Variants in IGFBP3 observed in about 807,000 individuals in gnomAD.
The protein encoded by IGFBP3 is insulin like growth factor binding protein 3.
IGFBP3 carries 9 observed loss-of-function variants against 28.6 expected under a neutral mutation model. The observed-to-expected ratio is 0.31, with a 90% confidence interval of 0.19 to 0.55. The LOEUF (loss-of-function observed/expected upper bound fraction) is 0.55, where lower values mean the gene tolerates loss of function less well. Ranked by LOEUF, IGFBP3 falls within the 20% of genes least tolerant of loss-of-function variation. The pLI is 0.93. For missense variants in IGFBP3, 382 were observed against 428.9 expected, an observed-to-expected ratio of 0.89 and a Z score of 0.97; for synonymous variants, 185 against 188.2, an observed-to-expected ratio of 0.98 and a Z score of 0.14.
rs34463602 is a variant in IGFBP3, at chr7:45,916,375, C to G, written c.750+173G>C. 5.6e-3 allele frequency among the ~76,000 whole-genome samples: 851 copies of G among 152,294 alleles called. 8 individuals are homozygous for G. The highest frequency in any genetic ancestry group is 0.019 in the African/African-American group (796 of 41,556). On this transcript the variant is annotated intron_variant, in intron 3 of 4. Coordinates refer to ENST00000613132, the MANE Select transcript of IGFBP3 (RefSeq NM_000598.5). ...GCCAATATAGCAGCACTCAGAGCAACAAGTCAAAGCAGCCCTTGGTCTGAC... is the reference window on the plus strand; with the variant it reads ...GCCAATATAGCAGCACTCAGAGCAAGAAGTCAAAGCAGCCCTTGGTCTGAC...
chr7:45,914,220 C>T (rs1426724042), intron 4 of IGFBP3: 1 of 152,094 alleles, frequency 6.6e-6, no homozygotes, highest in Non-Finnish European at 1.5e-5. Flanking sequence ...ATAGCATTCT[C>T]TAAAATTATC....
chr7:45,917,528 T>G, intron 1 of IGFBP3, 89 bp from the exon 2 acceptor site: 1 of 1,071,742 alleles, frequency 9.3e-7, no homozygotes, highest in Non-Finnish European at 1.3e-6. Flanking sequence ...CCAGGTCACA[T>G]GTAAATGACA....
In IGFBP3 at chr7:45,916,642, T is replaced by A; in HGVS notation, c.656A>T (p.Asp219Val). ...EYGPCRREME[D>V]TLNHLKFLNV... Reference sequence around the variant, plus strand: ...GAGGAACTTCAGGTGATTCAGTGTGTCTTCCATTTCTCTACGGCAGGGACC... The same window carrying A: ...GAGGAACTTCAGGTGATTCAGTGTGACTTCCATTTCTCTACGGCAGGGACC... Residue 219 changes from aspartate (D) to valine (V), a missense_variant, in exon 3 of 5, where the codon GAC becomes GTC. Asp to Val is a radical substitution (Grantham distance 152). Coordinates refer to ENST00000613132, the MANE Select transcript of IGFBP3 (RefSeq NM_000598.5). 6.2e-7 allele frequency: 1 copy of A among 1,613,082 alleles called. No individual in the cohort carries two copies.
At chr7:45,918,327 T>C (rs1784641207) in intron 1 of IGFBP3, among the ~76,000 whole-genome samples, 1 of 152,306 alleles carries the variant, frequency 6.6e-6, no homozygotes, top group Non-Finnish European at 1.5e-5. Context: ...AGATCTCCCT[T>C]TTATAATAAA....
chr7:45,921,045 C>T lies in IGFBP3; in HGVS notation c.96G>A (p.Ala32=), dbSNP rs1562582747. The change falls in exon 1 of 5, where the codon GCG becomes GCA. Residue 32 remains alanine (A), a synonymous_variant. Coordinates refer to ENST00000613132, the MANE Select transcript of IGFBP3 (RefSeq NM_000598.5). ...PPVARAGASS[A]GLGPVVRCEP... ...CGCAGCGCACCACGGGACCCAAGCCCGCCGAGCTCGCGCCAGCCCGCGCCA... is the reference window on the plus strand; with the variant it reads ...CGCAGCGCACCACGGGACCCAAGCCTGCCGAGCTCGCGCCAGCCCGCGCCA... 7 of 1,443,336 alleles carry T rather than the reference C, an allele frequency of 4.8e-6. No individual in the cohort carries two copies. In the Admixed American group the frequency reaches 8.1e-5, roughly 17 times the overall value. The allele number at this position is 1,443,336 out of a possible 1,614,324, so 89.4% of individuals were successfully genotyped here.
Position 45,920,766 on chromosome 7 carries a change from G to C in IGFBP3, c.375C>G (p.Ala125=). 7.0e-7 allele frequency: 1 copy of C among 1,422,436 alleles called. No homozygotes were observed. The highest frequency in any genetic ancestry group is 9.1e-7 in the Non-Finnish European group (1 of 1,096,590). The allele number at this position is 1,422,436 out of a possible 1,614,324, so 88.1% of individuals were successfully genotyped here. A position where few individuals can be genotyped will look rare whatever the true frequency, so the allele number is the denominator to read the frequency against. Residue 125 remains alanine (A), a synonymous_variant, in exon 1 of 5, where the codon GCC becomes GCG. Coordinates refer to ENST00000613132, the MANE Select transcript of IGFBP3 (RefSeq NM_000598.5). ...GAGCTGGCGGCGCTGGCAGCAGGTA[G>C]GCGCGCAGGCGGCTGACGGCACTAG... ...VNASAVSRLR[A]YLLPAPPAPG...
rs369707352 is a variant in IGFBP3, at chr7:45,917,365, C to G, written c.478G>C (p.Val160Leu). 4 of 1,614,072 alleles carry G rather than the reference C, an allele frequency of 2.5e-6. No individual in the cohort carries two copies. The highest frequency in any genetic ancestry group is 3.4e-6 in the Non-Finnish European group (4 of 1,180,020). Residue 160 changes from valine (V) to leucine (L), a missense_variant, in exon 2 of 5, where the codon GTG (valine) becomes CTG (leucine). By Grantham distance (32) the Val-to-Leu change is conservative. Coordinates refer to ENST00000613132, the MANE Select transcript of IGFBP3 (RefSeq NM_000598.5). ...ESPSVSSTHR[V>L]SDPKFHPLHS... ...AGGGGGTGGAACTTGGGATCAGACA[C>G]CCGGTGCGTGCTGGAGACGGACGGG...
At chr7:45,914,323 G>GA (rs964924855) in intron 4 of IGFBP3, 5 of 150,876 alleles carry the variant, frequency 3.3e-5, no homozygotes, top group Admixed American at 6.6e-5. Context: ...ATATTTTACA[G>GA]AAAAAAAAAG....
chr7:45,918,578 G>T (rs1784644036), intron 1 of IGFBP3, among the ~76,000 whole-genome samples: 1 of 152,188 alleles, frequency 6.6e-6, no homozygotes, highest in African/African-American at 2.4e-5. Context: ...ATCGGCTTAA[G>T]TCCACAATTG....
At position 45,917,344 on chromosome 7, in the gene IGFBP3, G is replaced by C; in HGVS notation, c.499C>G (p.Pro167Ala). The change falls in exon 2 of 5, where the codon CCC becomes GCC. Residue 167 changes from proline to alanine, a missense_variant. Transcript: ENST00000613132. ...THRVSDPKFH[P>A]LHSKIIIIKK... ...ATGATGATTATCTTTGAATGGAGGG[G>C]GTGGAACTTGGGATCAGACACCCGG... 2 of 1,614,040 alleles carry C rather than the reference G, an allele frequency of 1.2e-6. No individual in the cohort carries two copies. Among genetic ancestry groups the C allele is most frequent in the African/African-American group, 2.7e-5 (2 of 74,998 alleles).
In IGFBP3 at chr7:45,921,253, C is replaced by A. The variant is rs950468188; in HGVS notation, c.-113G>T. On this transcript the variant is annotated 5_prime_UTR_variant, in exon 1 of 5. Transcript: ENST00000613132. ...CAGGAAGCGGCTGATCCTCAGCGCC[C>A]AGCCGCAGTGCTCGCATCTGGGCGG... 8.6e-6 allele frequency: 11 copies of A among 1,274,166 alleles called. No homozygotes were observed. The highest frequency in any genetic ancestry group is 2.2e-6 in the Non-Finnish European group (2 of 924,780). 78.9% of individuals were successfully genotyped at this position (1,274,166 alleles called of 1,614,324 possible).
rs915407242 is a variant in IGFBP3 at position 45,916,808 on chromosome 7, C to A, written c.631-141G>T. The stretch of plus-strand genomic sequence containing the variant: ...CAGATACCTTATGTCTGATGTAGCA[C>A]GAAAGTCCCCCGAATAAGCTAACCA... On this transcript the variant is annotated intron_variant, in intron 2 of 4. Transcript: ENST00000613132. 7.0e-6 allele frequency: 6 copies of A among 854,492 alleles called. No individual in the cohort carries two copies. The African/African-American group carries it at 1.0e-4, about 14-fold the overall frequency. 52.9% of individuals were successfully genotyped at this position (854,492 alleles called of 1,614,324 possible). A position where few individuals can be genotyped will look rare whatever the true frequency, so the allele number is the denominator to read the frequency against.
At position 45,920,796 on chromosome 7, in the gene IGFBP3, G is replaced by A. The variant is rs1199671505; in HGVS notation, c.345C>T (p.Val115=). The A allele has an allele frequency of 2.8e-5, 40 of 1,416,928 alleles. No homozygotes were observed. Among genetic ancestry groups the A allele is most frequent in the Non-Finnish European group, 3.5e-5 (38 of 1,094,546 alleles). The allele number at this position is 1,416,928 out of a possible 1,614,324, so 87.8% of individuals were successfully genotyped here. The part of the protein sequence containing the change: ...QALLDGRGLC[V]NASAVSRLRA... ...GCAGGCGGCTGACGGCACTAGCGTT[G>A]ACGCAGAGCCCGCGGCCGTCCAGCA... The change falls in exon 1 of 5, where the codon GTC becomes GTT. Residue 115 remains valine (V), a synonymous_variant. Coordinates refer to ENST00000613132, the MANE Select transcript of IGFBP3 (RefSeq NM_000598.5).
intron 1 of IGFBP3, 62 bp downstream of exon 1, chr7:45,920,676 C>T (rs1017376291): frequency 4.0e-4 from 522 of 1,309,434 alleles, no homozygotes; most frequent in Non-Finnish European, 4.9e-4. Context: ...CAGCAACCCC[C>T]AGGCCCTTCG....
rs780984374 is a variant in IGFBP3 at position 45,920,858 on chromosome 7, G to C, written c.283C>G (p.Gln95Glu). The C allele has an allele frequency of 1.4e-6, 2 of 1,417,640 alleles. No individual in the cohort carries two copies. Among genetic ancestry groups the C allele is most frequent in the Non-Finnish European group, 1.8e-6 (2 of 1,093,202 alleles). 87.8% of individuals were successfully genotyped at this position (1,417,640 alleles called of 1,614,324 possible). A position where few individuals can be genotyped will look rare whatever the true frequency, so the allele number is the denominator to read the frequency against. ...TERCGSGLRCQPSPDEARPLQ... is the reference protein window; with the variant it reads ...TERCGSGLRCEPSPDEARPLQ... The stretch of plus-strand genomic sequence containing the variant: ...GGTCGCGCCTCGTCGGGCGACGGCT[G>C]GCAGCGAAGGCCGGAGCCACAGCGC... The change falls in exon 1 of 5, where the codon CAG (glutamine) becomes GAG (glutamate). Residue 95 changes from glutamine (Q) to glutamate (E), a missense_variant. By Grantham distance (29) the Gln-to-Glu change is conservative (BLOSUM62 2). Transcript: ENST00000613132.
intron 1 of IGFBP3, among the ~76,000 whole-genome samples, chr7:45,917,935 CA>C: frequency 6.6e-6 from 1 of 152,318 alleles, no homozygotes; most frequent in South Asian, 2.1e-4. Context: ...TGAGTTGTAA[CA>C]AGCCCTTATG....
chr7:45,917,139 GC>G, intron 2 of IGFBP3, 73 bp downstream of exon 2: 1 of 1,228,502 alleles, frequency 8.1e-7, no homozygotes, highest in Non-Finnish European at 1.2e-6. Flanking sequence ...AGTAAGAATT[GC>G]CCTCAAGAGG....
chr7:45,921,205 G>C lies in IGFBP3; in HGVS notation c.-65C>G, dbSNP rs1314780689. On this transcript the variant is annotated 5_prime_UTR_variant, in exon 1 of 5. Coordinates refer to ENST00000613132, the MANE Select transcript of IGFBP3 (RefSeq NM_000598.5). ...GCGCAGGGATGGGGCGACAGTACACGGCGCGAAGCTGTGGAATCCAGGCAG... is the reference window on the plus strand; with the variant it reads ...GCGCAGGGATGGGGCGACAGTACACCGCGCGAAGCTGTGGAATCCAGGCAG... The C allele has an allele frequency of 6.8e-7, 1 of 1,475,372 alleles. No individual in the cohort carries two copies. Among genetic ancestry groups the C allele is most frequent in the Non-Finnish European group, 9.1e-7 (1 of 1,102,532 alleles). 91.4% of individuals were successfully genotyped at this position (1,475,372 alleles called of 1,614,324 possible). A position where few individuals can be genotyped will look rare whatever the true frequency, so the allele number is the denominator to read the frequency against.
At chr7:45,919,138 C>T (rs994548578) in intron 1 of IGFBP3, among the ~76,000 whole-genome samples, 1 of 152,162 alleles carries the variant, frequency 6.6e-6, no homozygotes, top group Non-Finnish European at 1.5e-5. Context: ...CAAAACAGTT[C>T]TATTTAAGCA....
Sources: allele counts gnomAD v4.1 joint callset (sites outside exome capture counted in the v4.1 genomes callset), GRCh38; gene constraint gnomAD v4.1.1; transcripts MANE v1.5; gene names NCBI Gene and HGNC (gene_info 2026-07-23, HGNC 2026-07-21).